SSTR5: variants seen among roughly 807,000 people sequenced by gnomAD.
The protein encoded by SSTR5 is somatostatin receptor 5.
SSTR5 carries 1 observed loss-of-function variant against 0.3 expected under a neutral mutation model. That is an observed-to-expected ratio of 2.98 (90% CI 1.06 to 14.15). The LOEUF (loss-of-function observed/expected upper bound fraction) is 14.15, where lower values mean the gene tolerates loss of function less well. Among genes scored for constraint, SSTR5 ranks in the 30% most tolerant of loss-of-function variants. SSTR5 has a pLI of 0.12. For synonymous variants in SSTR5, 256 were observed against 263.1 expected, an observed-to-expected ratio of 0.97 and a Z score of 0.26; for missense variants, 516 against 543.2, an observed-to-expected ratio of 0.95 and a Z score of 0.50.
intron 1 of SSTR5, chr16:1,078,573 G>A (rs1250694068): frequency 3.9e-6 from 2 of 506,982 alleles, no homozygotes; most frequent in Non-Finnish European, 7.2e-6. Flanking sequence ...TCTGGGTGCA[G>A]GGGCGGCCAC....
Position 1,078,822 on chromosome 16 carries a change from C to T in SSTR5, c.-27-20C>T. The stretch of plus-strand genomic sequence containing the variant: ...GTTCAGGGACTCACCACCCTGGCGT[C>T]CTCCCTTCTTCTCTTGCAGAGCCTG... On this transcript the variant is annotated intron_variant, in intron 1 of 1. Coordinates refer to ENST00000689027, the MANE Select transcript of SSTR5 (RefSeq NM_001172560.3). 1 of 1,594,572 alleles carries T rather than the reference C, an allele frequency of 6.3e-7. No homozygotes were observed.
At chr16:1,073,523 C>G (rs1282215669) in intron 1 of SSTR5, 2 of 152,416 alleles carry the variant, frequency 1.3e-5, no homozygotes, top group Non-Finnish European at 2.9e-5. Context: ...CCACCCCGCC[C>G]GCTGCGAACA....
At chr16:1,074,750 C>T (rs1960159572) in intron 1 of SSTR5, among the ~76,000 whole-genome samples, 1 of 152,182 alleles carries the variant, frequency 6.6e-6, no homozygotes, top group African/African-American at 2.4e-5. Flanking sequence ...ACACCGGGCA[C>T]CTGCAGATGG....
In SSTR5 at chr16:1,081,180, G is replaced by C; in HGVS notation, c.*1217G>C. Reference sequence around the variant, plus strand: ...TTGCTGGGGTCTCTGGGGCACCTTGGCCTTGCTCTGAGGCTGGAAGGAGAA... The same window carrying C: ...TTGCTGGGGTCTCTGGGGCACCTTGCCCTTGCTCTGAGGCTGGAAGGAGAA... On this transcript the variant is annotated 3_prime_UTR_variant, in exon 2 of 2. Transcript: ENST00000689027. 1 of 467,428 alleles carries C rather than the reference G, an allele frequency of 2.1e-6. No individual in the cohort carries two copies. Among genetic ancestry groups the C allele is most frequent in the Middle Eastern group, 3.3e-4 (1 of 3,048 alleles). 29.0% of individuals were successfully genotyped at this position (467,428 alleles called of 1,614,324 possible).
intron 1 of SSTR5, among the ~76,000 whole-genome samples, chr16:1,076,806 TAGAC>T (rs1334335087): frequency 6.6e-6 from 1 of 152,216 alleles, no homozygotes; most frequent in African/African-American, 2.4e-5. Context: ...TTTTACTCCT[TAGAC>T]AGAAGCCAAA....
At position 1,079,657 on chromosome 16, in the gene SSTR5, C is replaced by T; in HGVS notation, c.789C>T (p.Pro263=). 2 of 1,612,606 alleles carry T rather than the reference C, an allele frequency of 1.2e-6. No individual in the cohort carries two copies. Among genetic ancestry groups the T allele is most frequent in the Non-Finnish European group, 1.7e-6 (2 of 1,179,682 alleles). Residue 263 remains proline (P), a synonymous_variant, in exon 2 of 2, where the codon CCC becomes CCT. Coordinates refer to ENST00000689027, the MANE Select transcript of SSTR5 (RefSeq NM_001172560.3). ...TGGTGTTTGCGGGATGTTGGCTGCC[C>T]TTCTTCACCGTCAACATCGTCAACC... The part of the protein sequence containing the change: ...VVLVFAGCWL[P]FFTVNIVNLA...
Position 1,079,771 on chromosome 16 carries a change from C to T in SSTR5, c.903C>T (p.Pro301=), listed in dbSNP as rs537326677. ...CCTACGCCAACAGCTGTGCCAACCC[C>T]GTCCTCTACGGCTTCCTCTCTGACA... The part of the protein sequence containing the change: ...ILSYANSCAN[P]VLYGFLSDNF... The change falls in exon 2 of 2, where the codon CCC becomes CCT. Residue 301 remains proline (P), a synonymous_variant. Transcript: ENST00000689027. 16 of 1,612,298 alleles carry T rather than the reference C, an allele frequency of 9.9e-6. No individual in the cohort carries two copies. The highest frequency in any genetic ancestry group is 4.0e-5 in the African/African-American group (3 of 74,922).
Position 1,081,027 on chromosome 16 carries a change from C to T in SSTR5, c.*1064C>T, listed in dbSNP as rs892575551. ...GACAGCACTGCTGAGAGGCAGCGGC[C>T]GCGCGGGTGACGCAAATGGCAGGCC... is the stretch of plus-strand genomic sequence containing the variant. On this transcript the variant is annotated 3_prime_UTR_variant, in exon 2 of 2. Transcript: ENST00000689027. The T allele has an allele frequency of 2.2e-4, 103 of 470,092 alleles. No individual in the cohort carries two copies. The highest frequency in any genetic ancestry group is 3.9e-4 in the Non-Finnish European group (89 of 226,648). 29.1% of individuals were successfully genotyped at this position (470,092 alleles called of 1,614,324 possible).
rs535438191 is a variant in SSTR5, at chr16:1,074,367, G to T, written c.-28+1545G>T. Reference sequence around the variant, plus strand: ...GCCTCCCCGAGCAGCAGGTTCCGCAGCCCCTCCAAGCTGCAGCCGCATCGC... The same window carrying T: ...GCCTCCCCGAGCAGCAGGTTCCGCATCCCCTCCAAGCTGCAGCCGCATCGC... On this transcript the variant is annotated intron_variant, in intron 1 of 1. Transcript: ENST00000689027. Among the ~76,000 whole-genome samples, 365 of 152,354 alleles carry T rather than the reference G, an allele frequency of 2.4e-3. 1 individual carries two copies. The highest frequency in any genetic ancestry group is 8.3e-3 in the African/African-American group (347 of 41,580).
intron 1 of SSTR5, among the ~76,000 whole-genome samples, chr16:1,075,236 AG>A (rs1227469985): frequency 1.3e-5 from 2 of 152,142 alleles, no homozygotes; most frequent in Non-Finnish European, 2.9e-5. Context: ...CTAACTCCGG[AG>A]GTGGAGCACT....
chr16:1,076,848 G>T (rs1960222027), intron 1 of SSTR5, among the ~76,000 whole-genome samples: 1 of 152,076 alleles, frequency 6.6e-6, no homozygotes, highest in Non-Finnish European at 1.5e-5. Context: ...TATCCATGCT[G>T]TCTCTGTGGA....
chr16:1,079,833 G>A lies in SSTR5; in HGVS notation c.965G>A (p.Arg322His), dbSNP rs201222748. The change falls in exon 2 of 2, where the codon CGC becomes CAC. Residue 322 changes from arginine to histidine, a missense_variant. Transcript: ENST00000689027. ...AGCTTCCAGAAGGTTCTGTGCCTCC[G>A]CAAGGGCTCTGGTGCCAAGGACGCT... is the stretch of plus-strand genomic sequence containing the variant. ...RQSFQKVLCLRKGSGAKDADA... is the reference protein window; with the variant it reads ...RQSFQKVLCLHKGSGAKDADA... 23 of 1,611,990 alleles carry A rather than the reference G, an allele frequency of 1.4e-5. No individual in the cohort carries two copies. Among genetic ancestry groups the A allele is most frequent in the East Asian group, 4.5e-5 (2 of 44,872 alleles).
Position 1,079,847 on chromosome 16 carries a change from G to A in SSTR5, c.979G>A (p.Ala327Thr), listed in dbSNP as rs1330860107. 2 of 1,611,684 alleles carry A rather than the reference G, an allele frequency of 1.2e-6. No individual in the cohort carries two copies. Among genetic ancestry groups the A allele is most frequent in the Admixed American group, 1.7e-5 (1 of 60,012 alleles). Residue 327 changes from alanine to threonine, a missense_variant, in exon 2 of 2, where the codon GCC becomes ACC. Coordinates refer to ENST00000689027, the MANE Select transcript of SSTR5 (RefSeq NM_001172560.3). ...TCTGTGCCTCCGCAAGGGCTCTGGT[G>A]CCAAGGACGCTGACGCCACGGAGCC... is the stretch of plus-strand genomic sequence containing the variant. ...KVLCLRKGSG[A>T]KDADATEPRP...
Position 1,081,071 on chromosome 16 carries a change from C to T in SSTR5, c.*1108C>T. The T allele has an allele frequency of 2.1e-6, 1 of 470,332 alleles. No individual in the cohort carries two copies. The highest frequency in any genetic ancestry group is 4.4e-6 in the Non-Finnish European group (1 of 226,670). The allele number at this position is 470,332 out of a possible 1,614,324, so 29.1% of individuals were successfully genotyped here. A position where few individuals can be genotyped will look rare whatever the true frequency, so the allele number is the denominator to read the frequency against. On this transcript the variant is annotated 3_prime_UTR_variant, in exon 2 of 2. Coordinates refer to ENST00000689027, the MANE Select transcript of SSTR5 (RefSeq NM_001172560.3). ...GCAGGCCCTGGGAATCCCGCCGCCT[C>T]CCACCTAGAATTGTCCTACCTCCCC...
At position 1,079,354 on chromosome 16, in the gene SSTR5, G is replaced by A. The variant is rs752860463; in HGVS notation, c.486G>A (p.Ala162=). Residue 162 remains alanine (A), a synonymous_variant, in exon 2 of 2, where the codon GCG becomes GCA. Coordinates refer to ENST00000689027, the MANE Select transcript of SSTR5 (RefSeq NM_001172560.3). Reference sequence around the variant, plus strand: ...GTGTGGCCAAGCTGGCGAGCGCCGCGGCCTGGGTCCTGTCTCTGTGCATGT... The same window carrying A: ...GTGTGGCCAAGCTGGCGAGCGCCGCAGCCTGGGTCCTGTCTCTGTGCATGT... The part of the protein sequence containing the change: ...RPRVAKLASA[A]AWVLSLCMSL... 135 of 1,601,734 alleles carry A rather than the reference G, an allele frequency of 8.4e-5. No homozygotes were observed. The highest frequency in any genetic ancestry group is 3.3e-4 in the Middle Eastern group (2 of 6,054).
chr16:1,080,599 C>G lies in SSTR5; in HGVS notation c.*636C>G, dbSNP rs1406289227. On this transcript the variant is annotated 3_prime_UTR_variant, in exon 2 of 2. Coordinates refer to ENST00000689027, the MANE Select transcript of SSTR5 (RefSeq NM_001172560.3). ...CCCCACCCTGCTGCCCGACACCCCC[C>G]ATGGGAGGCTGCGGGCGGCAGTTGC... 1.3e-5 allele frequency among the ~76,000 whole-genome samples: 2 copies of G among 152,342 alleles called. 1 individual carries two copies. The highest frequency in any genetic ancestry group is 4.1e-4 in the South Asian group (2 of 4,832).
chr16:1,073,270 G>C (rs1317707108), intron 1 of SSTR5: 2 of 152,300 alleles, frequency 1.3e-5, no homozygotes, highest in Non-Finnish European at 2.9e-5. Context: ...GGGGCTGGGG[G>C]CCGGAAGTGG....
At chr16:1,073,891 G>C (rs1960140075) in intron 1 of SSTR5, among the ~76,000 whole-genome samples, 1 of 152,250 alleles carries the variant, frequency 6.6e-6, no homozygotes. Flanking sequence ...GCAAGACCCA[G>C]CGAGGCTGTC....
In SSTR5 at chr16:1,079,613, A is replaced by G; in HGVS notation, c.745A>G (p.Met249Val). Residue 249 changes from methionine (M) to valine (V), a missense_variant, in exon 2 of 2, where the codon ATG (methionine) becomes GTG (valine). By Grantham distance (21) the Met-to-Val change is conservative. Coordinates refer to ENST00000689027, the MANE Select transcript of SSTR5 (RefSeq NM_001172560.3). ...RRRSERKVTRMVLVVVLVFAG... is the reference protein window; with the variant it reads ...RRRSERKVTRVVLVVVLVFAG... ...GCGCTCGGAGCGGAAGGTGACGCGCATGGTGTTGGTGGTGGTGCTGGTGTT... is the reference window on the plus strand; with the variant it reads ...GCGCTCGGAGCGGAAGGTGACGCGCGTGGTGTTGGTGGTGGTGCTGGTGTT... The G allele has an allele frequency of 6.2e-7, 1 of 1,611,906 alleles. No homozygotes were observed. The highest frequency in any genetic ancestry group is 1.1e-5 in the South Asian group (1 of 90,986).
Sources: allele counts gnomAD v4.1 joint callset (sites outside exome capture counted in the v4.1 genomes callset), GRCh38; gene constraint gnomAD v4.1.1; transcripts MANE v1.5; gene names NCBI Gene and HGNC (gene_info 2026-07-23, HGNC 2026-07-21).